Variants in TACR3 observed in about 807,000 individuals in gnomAD.
TACR3 encodes the protein neuromedin-K receptor.
TACR3 carries 34 observed loss-of-function variants against 35.0 expected under a neutral mutation model. The observed-to-expected ratio is 0.97, with a 90% CI of 0.74 to 1.30. The LOEUF is 1.30. TACR3 is among the 50% of genes most tolerant of loss of function. The probability of loss-of-function intolerance (pLI) is 0.00; values close to 1 mark genes in which losing one functional copy is unlikely to be tolerated. For synonymous variants in TACR3, 233 were observed against 221.1 expected, an observed-to-expected ratio of 1.05 and a Z score of -0.48; for missense variants, 558 against 591.7, an observed-to-expected ratio of 0.94 and a Z score of 0.59.
chr4:103,596,458 C>T (rs4504257), intron 3 of TACR3, among the ~76,000 whole-genome samples: 95,737 of 151,514 alleles, frequency 0.63, 30,539 homozygotes, highest in Non-Finnish European at 0.65. Flanking sequence ...TGGTGTGAGA[C>T]GATATCTCAT....
At chr4:103,653,247 C>A (rs1015613396) in intron 3 of TACR3, among the ~76,000 whole-genome samples, 1 of 151,962 alleles carries the variant, frequency 6.6e-6, no homozygotes, top group African/African-American at 2.4e-5. Flanking sequence ...TATTTTGAAA[C>A]TGTGGAGTAA....
chr4:103,614,882 G>GTTTTTTTTTTTTTTTTTT lies in TACR3; in HGVS notation c.889-23200_889-23199insAAAAAAAAAAAAAAAAAA, dbSNP rs1325226834. ...ACTATAACCTAAGTTGATTATGAAT[G>GTTTTTTTTTTTTTTTTTT]TGTTTTTTTTTTTTTTTTTTTTTTT... On this transcript the variant is annotated intron_variant, in intron 3 of 4. Coordinates refer to ENST00000304883, the MANE Select transcript of TACR3 (RefSeq NM_001059.3). Among the ~76,000 whole-genome samples the GTTTTTTTTTTTTTTTTTT allele has an allele frequency of 3.3e-5, 3 of 90,818 alleles. 1 individual carries two copies. Among genetic ancestry groups the GTTTTTTTTTTTTTTTTTT allele is most frequent in the African/African-American group, 8.7e-5 (2 of 22,978 alleles). 59.6% of individuals were successfully genotyped at this position (90,818 alleles called of 152,430 possible).
chr4:103,589,593 A>T lies in TACR3; in HGVS notation c.*89T>A, dbSNP rs1287121772. The T allele has an allele frequency of 6.8e-7, 1 of 1,480,748 alleles. No individual in the cohort carries two copies. The highest frequency in any genetic ancestry group is 9.4e-7 in the Non-Finnish European group (1 of 1,065,248). The allele number at this position is 1,480,748 out of a possible 1,614,324, so 91.7% of individuals were successfully genotyped here. A position where few individuals can be genotyped will look rare whatever the true frequency, so the allele number is the denominator to read the frequency against. On this transcript the variant is annotated 3_prime_UTR_variant, in exon 5 of 5. Coordinates refer to ENST00000304883, the MANE Select transcript of TACR3 (RefSeq NM_001059.3). ...AAATTGCTTTCTGTTTCTAGAGGGT[A>T]TATAGGACAGGACTGGTAAATAGGA...
intron 3 of TACR3, among the ~76,000 whole-genome samples, chr4:103,651,743 G>A (rs1482956918): frequency 6.6e-6 from 1 of 151,946 alleles, no homozygotes. Flanking sequence ...AAGGCCCATG[G>A]TGTACTACCT....
rs981088579 is a variant in TACR3, at chr4:103,588,632, A to G, written c.*1050T>C. ...TTTACATGTATCCAAACTATTGTGCAGATTCGTTTTCTAAGAGGTAATTCA... is the reference window on the plus strand; with the variant it reads ...TTTACATGTATCCAAACTATTGTGCGGATTCGTTTTCTAAGAGGTAATTCA... On this transcript the variant is annotated 3_prime_UTR_variant, in exon 5 of 5. Transcript: ENST00000304883. 7 of 152,104 alleles carry G rather than the reference A, an allele frequency of 4.6e-5. No homozygotes were observed. The highest frequency in any genetic ancestry group is 8.8e-5 in the Non-Finnish European group (6 of 67,968). 9.4% of individuals were successfully genotyped at this position (152,104 alleles called of 1,614,324 possible). A position where few individuals can be genotyped will look rare whatever the true frequency, so the allele number is the denominator to read the frequency against.
intron 4 of TACR3, chr4:103,591,084 C>T: frequency 4.0e-6 from 1 of 248,914 alleles, no homozygotes; most frequent in Non-Finnish European, 7.9e-6. Flanking sequence ...TCACATATGC[C>T]ATCATCTCTC....
At chr4:103,711,426 T>C (rs948352260) in intron 1 of TACR3, among the ~76,000 whole-genome samples, 1 of 152,178 alleles carries the variant, frequency 6.6e-6, no homozygotes, top group South Asian at 2.1e-4. Context: ...AGAAAAGGTC[T>C]TTGACGAAAT....
chr4:103,707,887 A>G (rs879061366), intron 1 of TACR3, among the ~76,000 whole-genome samples: 4 of 152,198 alleles, frequency 2.6e-5, no homozygotes, highest in African/African-American at 7.2e-5. Context: ...CCCACACCCA[A>G]GGAGCCTTAC....
intron 3 of TACR3, among the ~76,000 whole-genome samples, chr4:103,609,713 C>A (rs571416468): frequency 3.3e-5 from 5 of 151,960 alleles, no homozygotes; most frequent in Non-Finnish European, 7.4e-5. Context: ...TTCTTCCTAT[C>A]GAACTGTAAA....
At chr4:103,699,374 A>G (rs1157409608) in intron 1 of TACR3, among the ~76,000 whole-genome samples, 1 of 152,160 alleles carries the variant, frequency 6.6e-6, no homozygotes, top group Non-Finnish European at 1.5e-5. Flanking sequence ...AGTGGTAGTA[A>G]TAGAAAAGAT....
intron 1 of TACR3, among the ~76,000 whole-genome samples, chr4:103,713,068 G>A (rs956628741): frequency 1.3e-5 from 2 of 152,222 alleles, no homozygotes; most frequent in South Asian, 2.1e-4. Context: ...ACAGTGTGGC[G>A]ATTCCTCAAG....
At chr4:103,595,855 T>C (rs1723994927) in intron 3 of TACR3, among the ~76,000 whole-genome samples, 1 of 150,002 alleles carries the variant, frequency 6.7e-6, no homozygotes, top group African/African-American at 2.5e-5. Flanking sequence ...ACCCACTAAC[T>C]CATCATCTAG....
chr4:103,719,813 C>T lies in TACR3; in HGVS notation c.-138G>A. 8.8e-7 allele frequency: 1 copy of T among 1,139,758 alleles called. No individual in the cohort carries two copies. The highest frequency in any genetic ancestry group is 1.5e-5 in the African/African-American group (1 of 65,154). 70.6% of individuals were successfully genotyped at this position (1,139,758 alleles called of 1,614,324 possible). On this transcript the variant is annotated 5_prime_UTR_variant, in exon 1 of 5. Coordinates refer to ENST00000304883, the MANE Select transcript of TACR3 (RefSeq NM_001059.3). ...TAAGACTGGAAGCTGAAAGATACTG[C>T]AATCCCTGCTGGTTAGGGGATGCAG...
At chr4:103,614,182 G>C (rs920973772) in intron 3 of TACR3, among the ~76,000 whole-genome samples, 10 of 151,990 alleles carry the variant, frequency 6.6e-5, no homozygotes, top group African/African-American at 2.2e-4. Flanking sequence ...CTTTCCCTTT[G>C]AGTTCTAATT....
chr4:103,680,493 AT>A, intron 1 of TACR3, among the ~76,000 whole-genome samples: 2 of 101,950 alleles, frequency 2.0e-5, no homozygotes, highest in Admixed American at 2.0e-4. Flanking sequence ...ATATACATAC[AT>A]ACACACACAC....
intron 3 of TACR3, among the ~76,000 whole-genome samples, chr4:103,647,353 G>A (rs1429959699): frequency 6.6e-6 from 1 of 151,796 alleles, no homozygotes; most frequent in Non-Finnish European, 1.5e-5. Context: ...AAGTTGACAA[G>A]GATCAGTTTC....
At chr4:103,632,485 T>C (rs1725090002) in intron 3 of TACR3, among the ~76,000 whole-genome samples, 1 of 151,112 alleles carries the variant, frequency 6.6e-6, no homozygotes, top group African/African-American at 2.4e-5. Flanking sequence ...GAGAGTTGAA[T>C]ATTGAGAACA....
chr4:103,636,874 C>T (rs960540157), intron 3 of TACR3, among the ~76,000 whole-genome samples: 18 of 152,040 alleles, frequency 1.2e-4, no homozygotes, highest in African/African-American at 3.9e-4. Flanking sequence ...TACATCCTCC[C>T]AATACTAAAC....
At chr4:103,667,994 A>AT (rs1408828685) in intron 1 of TACR3, among the ~76,000 whole-genome samples, 2 of 151,868 alleles carry the variant, frequency 1.3e-5, no homozygotes, top group Non-Finnish European at 2.9e-5. Context: ...ACTCCCAGCT[A>AT]TTTTTTATAT....
Sources: allele counts gnomAD v4.1 joint callset (sites outside exome capture counted in the v4.1 genomes callset), GRCh38; gene constraint gnomAD v4.1.1; transcripts MANE v1.5; gene names NCBI Gene and HGNC (gene_info 2026-07-23, HGNC 2026-07-21).